IFT81: variants seen among roughly 807,000 people sequenced by gnomAD.
The protein encoded by IFT81 is intraflagellar transport protein 81 homolog.
In IFT81, 72 loss-of-function variants were observed where a neutral mutation model predicts 102.6. That is an observed-to-expected ratio of 0.70 (90% confidence interval 0.58 to 0.85). The LOEUF is 0.85. Ranked by LOEUF, IFT81 falls within the 40% of genes least tolerant of loss-of-function variation. The pLI, the probability that IFT81 is intolerant of heterozygous loss-of-function variation, is 0.00. For missense variants in IFT81, 723 were observed against 787.3 expected, an observed-to-expected ratio of 0.92 and a Z score of 0.98; for synonymous variants, 237 against 242.7, an observed-to-expected ratio of 0.98 and a Z score of 0.22.
rs1894235441 is a variant in IFT81, at chr12:110,132,579, G to A, written c.462G>A (p.Leu154=). 6.4e-7 allele frequency: 1 copy of A among 1,573,128 alleles called. No individual in the cohort carries two copies. The highest frequency in any genetic ancestry group is 2.3e-5 in the East Asian group (1 of 44,250). ...AGTTAATGGAAGCCTTTAAAACTTTGCATAAAGAATATGAGCAGCTCAAGA... is the reference window on the plus strand; with the variant it reads ...AGTTAATGGAAGCCTTTAAAACTTTACATAAAGAATATGAGCAGCTCAAGA... ...YEELMEAFKT[L]HKEYEQLKIS... The change falls in exon 5 of 19, where the codon TTG becomes TTA. Residue 154 remains leucine, a synonymous_variant. Transcript: ENST00000242591.
At chr12:110,203,677 CTAT>C in intron 14 of IFT81, 184 bp from the exon 15 acceptor site, 5 of 612,138 alleles carry the variant, frequency 8.2e-6, no homozygotes, top group Middle Eastern at 4.9e-4. Flanking sequence ...TACATGGTAG[CTAT>C]TATTATTATC....
Position 110,139,360 on chromosome 12 carries a change from AG to A in IFT81, c.781+2502del, listed in dbSNP as rs905006104. Among the ~76,000 whole-genome samples, 5 of 150,148 alleles carry A rather than the reference AG, an allele frequency of 3.3e-5. 1 individual carries two copies. The East Asian group carries it at 9.8e-4, about 29-fold the overall frequency. ...TCAAAAAAAAAAAAAAAAAAAGAAA[AG>A]GAAAAAAGAAAAGAAAAAGCTGCAT... On this transcript the variant is annotated intron_variant, in intron 8 of 18. Transcript: ENST00000242591.
chr12:110,207,434 T>C (rs1868789921), intron 17 of IFT81, among the ~76,000 whole-genome samples: 1 of 152,110 alleles, frequency 6.6e-6, no homozygotes, highest in Admixed American at 6.6e-5. Flanking sequence ...TTTTTATGGC[T>C]TAGGATTTCT....
intron 18 of IFT81, among the ~76,000 whole-genome samples, chr12:110,212,156 T>C (rs1869531889): frequency 6.6e-6 from 1 of 150,988 alleles, no homozygotes; most frequent in African/African-American, 2.4e-5. Flanking sequence ...AATTAGCTCC[T>C]AGAAACCTAT....
At chr12:110,215,853 G>A (rs184591329) in intron 18 of IFT81, among the ~76,000 whole-genome samples, 4 of 152,062 alleles carry the variant, frequency 2.6e-5, no homozygotes, top group Non-Finnish European at 4.4e-5. Flanking sequence ...GAGTCAATGA[G>A]TAAAACAGTT....
intron 10 of IFT81, among the ~76,000 whole-genome samples, chr12:110,159,165 G>A (rs1354899009): frequency 6.6e-6 from 1 of 152,042 alleles, no homozygotes; most frequent in African/African-American, 2.4e-5. Context: ...CAAAGGATAG[G>A]CTAAAGTGTA....
chr12:110,217,607 G>C (rs1181956019), intron 18 of IFT81, among the ~76,000 whole-genome samples: 1 of 151,866 alleles, frequency 6.6e-6, no homozygotes, highest in East Asian at 1.9e-4. Flanking sequence ...CTGTTGCCAA[G>C]CTGGAGTGTA....
intron 9 of IFT81, among the ~76,000 whole-genome samples, chr12:110,144,397 A>G (rs1895077481): frequency 6.6e-6 from 1 of 151,254 alleles, no homozygotes; most frequent in Admixed American, 6.6e-5. Flanking sequence ...TTGTATTTGT[A>G]GTAGAGACAG....
intron 5 of IFT81, among the ~76,000 whole-genome samples, chr12:110,133,299 T>G (rs1894285194): frequency 6.6e-6 from 1 of 152,064 alleles, no homozygotes; most frequent in Non-Finnish European, 1.5e-5. Context: ...AATCATATTT[T>G]CTAAATTTTC....
intron 11 of IFT81, among the ~76,000 whole-genome samples, chr12:110,171,708 C>T (rs1896740809): frequency 6.6e-6 from 1 of 152,208 alleles, no homozygotes; most frequent in East Asian, 1.9e-4. Context: ...AACATTTTCT[C>T]TTGCCTTAAA....
At chr12:110,130,380 T>TG (rs951564987) in intron 4 of IFT81, among the ~76,000 whole-genome samples, 6 of 151,740 alleles carry the variant, frequency 4.0e-5, no homozygotes, top group Non-Finnish European at 8.8e-5. Context: ...TTTTTTTTTT[T>TG]TCCGAGACAG....
At chr12:110,199,809 C>T (rs867026768) in intron 14 of IFT81, among the ~76,000 whole-genome samples, 37 of 152,322 alleles carry the variant, frequency 2.4e-4, no homozygotes, top group Middle Eastern at 3.4e-3. Flanking sequence ...TGCTAACTAT[C>T]CTGTTTCTAA....
At chr12:110,137,561 C>G (rs1174860121) in intron 8 of IFT81, among the ~76,000 whole-genome samples, 1 of 151,956 alleles carries the variant, frequency 6.6e-6, no homozygotes, top group African/African-American at 2.4e-5. Context: ...TGGTGAAACC[C>G]TGTTTCTACT....
At chr12:110,213,776 C>A (rs539125298) in intron 18 of IFT81, among the ~76,000 whole-genome samples, 2 of 152,252 alleles carry the variant, frequency 1.3e-5, no homozygotes, top group African/African-American at 4.8e-5. Flanking sequence ...TTAGATTGAA[C>A]ATATTTGATA....
At chr12:110,191,787 C>T (rs532232683) in intron 13 of IFT81, among the ~76,000 whole-genome samples, 1 of 151,856 alleles carries the variant, frequency 6.6e-6, no homozygotes, top group Non-Finnish European at 1.5e-5. Flanking sequence ...CCTCAGAGTA[C>T]CCCCCTCCAG....
In IFT81 at chr12:110,205,490, C is replaced by A; in HGVS notation, c.1692C>A (p.Tyr564Ter). The change falls in exon 16 of 19, where the codon TAC becomes TAA. Residue 564 changes from tyrosine to a stop codon, truncating the protein, a stop_gained. Transcript: ENST00000242591. LOFTEE classifies it high-confidence loss of function. ...AATGTCTTCAAGAAGAAAGTAGATACCATTATACAAATTGTATGATTAAGG... is the reference window on the plus strand; with the variant it reads ...AATGTCTTCAAGAAGAAAGTAGATAACATTATACAAATTGTATGATTAAGG... ...REECLQEESR[Y>*]HYTNCMIKNL... is the part of the protein sequence containing the mutation. The A allele has an allele frequency of 5.6e-6, 9 of 1,604,188 alleles. No homozygotes were observed. The highest frequency in any genetic ancestry group is 7.7e-6 in the Non-Finnish European group (9 of 1,176,210).
At position 110,218,126 on chromosome 12, in the gene IFT81, A is replaced by T; in HGVS notation, c.1931A>T (p.Gln644Leu). ...GCAAAAATGTGGCGTGATTTGGAAC[A>T]ATTAATGGAATGTAAGAAACAGTGC... ...KQAKMWRDLE[Q>L]LMECKKQCFL... The change falls in exon 19 of 19, where the codon CAA becomes CTA. Residue 644 changes from glutamine to leucine, a missense_variant. By Grantham distance (113) the Gln-to-Leu change is moderately radical. Coordinates refer to ENST00000242591, the MANE Select transcript of IFT81 (RefSeq NM_014055.4). 1 of 1,601,848 alleles carries T rather than the reference A, an allele frequency of 6.2e-7. No homozygotes were observed. The highest frequency in any genetic ancestry group is 1.4e-5 in the African/African-American group (1 of 74,044).
intron 11 of IFT81, among the ~76,000 whole-genome samples, chr12:110,179,354 T>G (rs1897184867): frequency 6.6e-6 from 1 of 152,078 alleles, no homozygotes; most frequent in Admixed American, 6.6e-5. Context: ...CTTTTTATTT[T>G]TATAAGGTTG....
At position 110,192,649 on chromosome 12, in the gene IFT81, G is replaced by T. The variant is rs777336832; in HGVS notation, c.1500G>T (p.Lys500Asn). The T allele has an allele frequency of 2.8e-5, 44 of 1,587,806 alleles. No individual in the cohort carries two copies. The highest frequency in any genetic ancestry group is 3.6e-5 in the Non-Finnish European group (42 of 1,166,790). The change falls in exon 14 of 19, where the codon AAG (lysine) becomes AAT (asparagine). Residue 500 changes from lysine (K) to asparagine (N), a missense_variant. Coordinates refer to ENST00000242591, the MANE Select transcript of IFT81 (RefSeq NM_014055.4). ...AACTGTATTCATTGGTATCTGAAAA[G>T]AAGTCAGCTCTTGCCTCAGTTATAA... ...VKKLYSLVSEKKSALASVIKE... is the reference protein window; with the variant it reads ...VKKLYSLVSENKSALASVIKE...
Sources: gnomAD v4.1 joint callset for allele counts (sites outside exome capture counted in the v4.1 genomes callset) on GRCh38, gnomAD v4.1.1 for gene constraint, MANE v1.5 for transcripts, NCBI Gene and HGNC (gene_info 2026-07-23, HGNC 2026-07-21) for gene names.